Variants in KCNJ14 observed in about 807,000 individuals in gnomAD.
KCNJ14 encodes the protein potassium inwardly rectifying channel subfamily J member 14.
KCNJ14 carries 18 observed loss-of-function variants against 24.5 expected under a neutral mutation model. That is an observed-to-expected ratio of 0.74 (90% CI 0.51 to 1.09). The LOEUF is 1.09. Ranked by LOEUF, KCNJ14 falls within the 50% of genes least tolerant of loss-of-function variation. The probability of loss-of-function intolerance (pLI) is 0.00; values close to 1 mark genes in which losing one functional copy is unlikely to be tolerated. For synonymous variants in KCNJ14, 288 were observed against 270.8 expected (o/e 1.06, Z -0.63); for missense variants, 633 against 623.0 (o/e 1.02, Z -0.17).
intron 1 of KCNJ14, among the ~76,000 whole-genome samples, chr19:48,460,284 T>C (rs1182536114): frequency 6.6e-6 from 1 of 151,890 alleles, no homozygotes; most frequent in African/African-American, 2.4e-5. Flanking sequence ...ACTCTTGTTG[T>C]CCAGGCTGGA....
chr19:48,461,666 C>T lies in KCNJ14; in HGVS notation c.-55-4C>T. The stretch of plus-strand genomic sequence containing the variant: ...CTGACGTTTCTGCCGGTTTCTTGTC[C>T]CAGCAGGTTGGGGGCGCCTGCCCCC... On this transcript the variant is annotated splice_polypyrimidine_tract_variant and splice_region_variant and intron_variant, in intron 1 of 2. Coordinates refer to ENST00000342291, the MANE Select transcript of KCNJ14 (RefSeq NM_013348.4). The T allele has an allele frequency of 9.0e-7, 1 of 1,115,608 alleles. No homozygotes were observed. The highest frequency in any genetic ancestry group is 3.0e-5 in the East Asian group (1 of 33,398). The allele number at this position is 1,115,608 out of a possible 1,614,324, so 69.1% of individuals were successfully genotyped here.
rs1212318358 is a variant in KCNJ14 at position 48,461,872 on chromosome 19, G to T, written c.148G>T (p.Gly50Cys). ...PVQSPVGRRR[G>C]RFVKKDGHCN... The stretch of plus-strand genomic sequence containing the variant: ...GCAGTCACCCGTGGGCCGGCGCCGC[G>T]GTCGCTTCGTCAAGAAAGACGGGCA... Residue 50 changes from glycine (G) to cysteine (C), a missense_variant, in exon 2 of 3, where the codon GGT (glycine) becomes TGT (cysteine). Physicochemically the swap from Gly to Cys is radical, Grantham distance 159 (BLOSUM62 -3). Coordinates refer to ENST00000342291, the MANE Select transcript of KCNJ14 (RefSeq NM_013348.4). 5 of 1,579,676 alleles carry T rather than the reference G, an allele frequency of 3.2e-6. No individual in the cohort carries two copies. Among genetic ancestry groups the T allele is most frequent in the African/African-American group, 1.3e-5 (1 of 74,262 alleles).
chr19:48,459,240 CAAAAAAAAAAA>C (rs748195965), intron 1 of KCNJ14, among the ~76,000 whole-genome samples: 1 of 59,200 alleles, frequency 1.7e-5, no homozygotes, highest in Non-Finnish European at 3.7e-5. Context: ...ACTCCGTCTC[CAAAAAAAAAAA>C]AAAAAAAAAA....
At chr19:48,457,772 G>A (rs934089272) in intron 1 of KCNJ14, among the ~76,000 whole-genome samples, 2 of 151,990 alleles carry the variant, frequency 1.3e-5, no homozygotes, top group Non-Finnish European at 2.9e-5. Flanking sequence ...CCACCTCCCG[G>A]GTTCAAGTGA....
At chr19:48,458,963 G>A (rs1038186745) in intron 1 of KCNJ14, among the ~76,000 whole-genome samples, 26 of 137,266 alleles carry the variant, frequency 1.9e-4, no homozygotes, top group African/African-American at 2.4e-4. Context: ...AAAAAAAGCC[G>A]GGGGTGGTGG....
Position 48,464,463 on chromosome 19 carries a change from C to T in KCNJ14, c.997C>T (p.Pro333Ser), listed in dbSNP as rs200201274. The T allele has an allele frequency of 6.2e-7, 1 of 1,613,914 alleles. No homozygotes were observed. Residue 333 changes from proline to serine, a missense_variant, in exon 3 of 3, where the codon CCA becomes TCA. Coordinates refer to ENST00000342291, the MANE Select transcript of KCNJ14 (RefSeq NM_013348.4). ...GELLWGHRFE[P>S]VLFQRGSQYE... The stretch of plus-strand genomic sequence containing the variant: ...ACTGCTCTGGGGCCATCGTTTTGAG[C>T]CAGTTCTCTTCCAGCGTGGCTCCCA...
Position 48,462,032 on chromosome 19 carries a change from T to C in KCNJ14, c.308T>C (p.Leu103Pro). 1 of 1,612,080 alleles carries C rather than the reference T, an allele frequency of 6.2e-7. No homozygotes were observed. Among genetic ancestry groups the C allele is most frequent in the Non-Finnish European group, 8.5e-7 (1 of 1,179,690 alleles). The change falls in exon 2 of 3, where the codon CTC becomes CCC. Residue 103 changes from leucine to proline, a missense_variant. Physicochemically the swap from Leu to Pro is moderately conservative, Grantham distance 98. Transcript: ENST00000342291. This position sits in a 1 kb window ranked among gnomAD's most constrained non-coding sequence, Gnocchi z 4.9. ...FSCSFLASWL[L>P]FGLAFWLIAS... The stretch of plus-strand genomic sequence containing the variant: ...TGCTCCTTCCTCGCCTCCTGGCTGC[T>C]CTTCGGCCTGGCCTTCTGGCTCATT...
rs752501523 is a variant in KCNJ14, at chr19:48,464,529, G to A, written c.1063G>A (p.Val355Ile). ...DYRHFHRTYEVPGTPVCSAKE... is the reference protein window; with the variant it reads ...DYRHFHRTYEIPGTPVCSAKE... ...TCGCCACTTCCATCGCACTTATGAG[G>A]TCCCAGGGACACCGGTCTGCAGTGC... Residue 355 changes from valine (V) to isoleucine (I), a missense_variant, in exon 3 of 3, where the codon GTC becomes ATC. Physicochemically the swap from Val to Ile is conservative, Grantham distance 29. Coordinates refer to ENST00000342291, the MANE Select transcript of KCNJ14 (RefSeq NM_013348.4). 3.7e-6 allele frequency: 6 copies of A among 1,614,012 alleles called. No individual in the cohort carries two copies. Among genetic ancestry groups the A allele is most frequent in the Non-Finnish European group, 5.1e-6 (6 of 1,180,038 alleles).
At chr19:48,457,288 G>A (rs926752389) in intron 1 of KCNJ14, among the ~76,000 whole-genome samples, 7 of 152,134 alleles carry the variant, frequency 4.6e-5, no homozygotes, top group Non-Finnish European at 1.0e-4. Context: ...CAGGCCTCCT[G>A]CCTTTCACAG....
chr19:48,464,751 A>AC lies in KCNJ14; in HGVS notation c.1288dup (p.Leu430ProfsTer41). 6.2e-7 allele frequency: 1 copy of AC among 1,606,290 alleles called. No individual in the cohort carries two copies. Among genetic ancestry groups the AC allele is most frequent in the Middle Eastern group, 1.7e-4 (1 of 6,060 alleles). On this transcript the variant is annotated frameshift_variant, in exon 3 of 3. Transcript: ENST00000342291. LOFTEE classifies it high-confidence loss of function. ...TGCTAGCCCCCGAGTTCTCACACCA[A>AC]CCCTGGCGCTGACCCTGCCTCCATG...
Position 48,465,893 on chromosome 19 carries a change from C to T in KCNJ14, c.*1116C>T, listed in dbSNP as rs1184362419. The T allele has an allele frequency of 1.3e-5, 2 of 152,536 alleles. No homozygotes were observed. Among genetic ancestry groups the T allele is most frequent in the Admixed American group, 6.6e-5 (1 of 15,266 alleles). 9.4% of individuals were successfully genotyped at this position (152,536 alleles called of 1,614,324 possible). A position where few individuals can be genotyped will look rare whatever the true frequency, so the allele number is the denominator to read the frequency against. On this transcript the variant is annotated 3_prime_UTR_variant, in exon 3 of 3. Transcript: ENST00000342291. ...CCTCCAGGTGGACTGCTTGGCAGTG[C>T]TAGGAGGTGGACTCAGGACTTCAGA...
Position 48,465,437 on chromosome 19 carries a change from T to G in KCNJ14, c.*660T>G, listed in dbSNP as rs1971645944. The G allele has an allele frequency of 6.6e-6, 1 of 151,806 alleles. No homozygotes were observed. Among genetic ancestry groups the G allele is most frequent in the Non-Finnish European group, 1.5e-5 (1 of 67,998 alleles). The allele number at this position is 151,806 out of a possible 1,614,324, so 9.4% of individuals were successfully genotyped here. On this transcript the variant is annotated 3_prime_UTR_variant, in exon 3 of 3. Transcript: ENST00000342291. ...TCTAGGACAGATTTTACGTGGAGAG[T>G]TGAACTACTCCAGAAACTAAAGAGT...
At position 48,461,984 on chromosome 19, in the gene KCNJ14, G is replaced by A. The variant is rs1280751948; in HGVS notation, c.260G>A (p.Arg87His). ...ACCACATGCGTGGACGTGCGCTGGC[G>A]CTGGATGTGCCTGCTCTTCTCCTGC... ...LFTTCVDVRW[R>H]WMCLLFSCSF... Residue 87 changes from arginine to histidine, a missense_variant, in exon 2 of 3, where the codon CGC (arginine) becomes CAC (histidine). Physicochemically the swap from Arg to His is conservative, Grantham distance 29. Coordinates refer to ENST00000342291, the MANE Select transcript of KCNJ14 (RefSeq NM_013348.4). 7.4e-6 allele frequency: 12 copies of A among 1,613,016 alleles called. No individual in the cohort carries two copies. The highest frequency in any genetic ancestry group is 1.0e-5 in the Non-Finnish European group (12 of 1,179,718).
chr19:48,461,838 G>C lies in KCNJ14; in HGVS notation c.114G>C (p.Pro38=). Residue 38 remains proline (P), a synonymous_variant, in exon 2 of 3, where the codon CCG becomes CCC. Transcript: ENST00000342291. Reference sequence around the variant, plus strand: ...GGTTGTGCCGCAACGGGTGGGCGCCGGCACCGGTGCAGTCACCCGTGGGCC... The same window carrying C: ...GGTTGTGCCGCAACGGGTGGGCGCCCGCACCGGTGCAGTCACCCGTGGGCC... ...GPGLCRNGWA[P]APVQSPVGRR... is the part of the protein sequence containing the mutation. The C allele has an allele frequency of 6.6e-7, 1 of 1,514,690 alleles. No homozygotes were observed. Among genetic ancestry groups the C allele is most frequent in the South Asian group, 1.3e-5 (1 of 77,892 alleles). The allele number at this position is 1,514,690 out of a possible 1,614,324, so 93.8% of individuals were successfully genotyped here. A position where few individuals can be genotyped will look rare whatever the true frequency, so the allele number is the denominator to read the frequency against.
rs1246112511 is a variant in KCNJ14 at position 48,461,655 on chromosome 19, G to A, written c.-55-15G>A. 42 of 988,784 alleles carry A rather than the reference G, an allele frequency of 4.2e-5. No homozygotes were observed. In the Admixed American group the frequency reaches 9.4e-4, roughly 22 times the overall value. 61.3% of individuals were successfully genotyped at this position (988,784 alleles called of 1,614,324 possible). ...TCCTGTTGCCCCTGACGTTTCTGCCGGTTTCTTGTCCCAGCAGGTTGGGGG... is the reference window on the plus strand; with the variant it reads ...TCCTGTTGCCCCTGACGTTTCTGCCAGTTTCTTGTCCCAGCAGGTTGGGGG... On this transcript the variant is annotated splice_polypyrimidine_tract_variant and intron_variant, in intron 1 of 2. Coordinates refer to ENST00000342291, the MANE Select transcript of KCNJ14 (RefSeq NM_013348.4).
chr19:48,464,950 T>C lies in KCNJ14; in HGVS notation c.*173T>C, dbSNP rs1050421834. 14 of 607,452 alleles carry C rather than the reference T, an allele frequency of 2.3e-5. No individual in the cohort carries two copies. Among genetic ancestry groups the C allele is most frequent in the Non-Finnish European group, 3.8e-5 (13 of 342,350 alleles). The allele number at this position is 607,452 out of a possible 1,614,324, so 37.6% of individuals were successfully genotyped here. A position where few individuals can be genotyped will look rare whatever the true frequency, so the allele number is the denominator to read the frequency against. On this transcript the variant is annotated 3_prime_UTR_variant, in exon 3 of 3. Coordinates refer to ENST00000342291, the MANE Select transcript of KCNJ14 (RefSeq NM_013348.4). ...GCCTGGTGACCCACCATGGACATAC[T>C]GGACCTTAATTCCTCTGCTTCTGTG...
intron 1 of KCNJ14, among the ~76,000 whole-genome samples, chr19:48,457,200 T>C (rs1229450748): frequency 6.6e-6 from 1 of 151,726 alleles, no homozygotes; most frequent in Non-Finnish European, 1.5e-5. Context: ...GGTTTCAGAC[T>C]CCCGGGTTCC....
At chr19:48,461,559 G>A (rs915876956) in intron 1 of KCNJ14, 111 bp from the exon 2 acceptor site, 1 of 347,590 alleles carries the variant, frequency 2.9e-6, no homozygotes, top group Non-Finnish European at 4.8e-6. Flanking sequence ...AATGCGTATC[G>A]TTCCACCTAT....
rs569989615 is a variant in KCNJ14, at chr19:48,465,880, C to G, written c.*1103C>G. 1 of 152,724 alleles carries G rather than the reference C, an allele frequency of 6.5e-6. No individual in the cohort carries two copies. Among genetic ancestry groups the G allele is most frequent in the South Asian group, 2.1e-4 (1 of 4,818 alleles). 9.5% of individuals were successfully genotyped at this position (152,724 alleles called of 1,614,324 possible). The stretch of plus-strand genomic sequence containing the variant: ...GAAGTTCTCATCACCTCCAGGTGGA[C>G]TGCTTGGCAGTGCTAGGAGGTGGAC... On this transcript the variant is annotated 3_prime_UTR_variant, in exon 3 of 3. Coordinates refer to ENST00000342291, the MANE Select transcript of KCNJ14 (RefSeq NM_013348.4).
Sources: gnomAD v4.1 joint callset for allele counts (sites outside exome capture counted in the v4.1 genomes callset) on GRCh38, gnomAD v4.1.1 for gene constraint, Gnocchi (gnomAD v3.1) non-coding constraint, MANE v1.5 for transcripts, NCBI Gene and HGNC (gene_info 2026-07-23, HGNC 2026-07-21) for gene names.